The following NID2 variants were observed in gnomAD, a reference collection of about 807,000 sequenced individuals.
The protein encoded by NID2 is nidogen 2.
A neutral mutation model predicts 145.4 loss-of-function variants in NID2; 83 were observed. The observed-to-expected ratio is 0.57, with a 90% CI of 0.48 to 0.69. The LOEUF is 0.69. Ranked by LOEUF, NID2 falls within the 30% of genes least tolerant of loss-of-function variation. The pLI, the probability that NID2 is intolerant of heterozygous loss-of-function variation, is 0.00. For missense variants in NID2, 1,807 were observed against 1,765.7 expected, an observed-to-expected ratio of 1.02 and a Z score of -0.42; for synonymous variants, 739 against 701.3, an observed-to-expected ratio of 1.05 and a Z score of -0.85.
In NID2 at chr14:52,005,698, C is replaced by T. The variant is rs372468937; in HGVS notation, c.4117+39G>A. The T allele has an allele frequency of 2.3e-5, 35 of 1,519,416 alleles. No individual in the cohort carries two copies. In the East Asian group the frequency reaches 2.7e-4, roughly 12 times the overall value. 94.1% of individuals were successfully genotyped at this position (1,519,416 alleles called of 1,614,324 possible). A position where few individuals can be genotyped will look rare whatever the true frequency, so the allele number is the denominator to read the frequency against. ...ATACCATATATATCCCTTCTCTACC[C>T]TGCTAATTTAAAGGAGCATCCTAAA... On this transcript the variant is annotated intron_variant, in intron 21 of 21. Transcript: ENST00000216286.
Position 52,011,619 on chromosome 14 carries a change from G to A in NID2, c.3485C>T (p.Ala1162Val). 6.2e-7 allele frequency: 1 copy of A among 1,614,200 alleles called. No homozygotes were observed. Among genetic ancestry groups the A allele is most frequent in the Non-Finnish European group, 8.5e-7 (1 of 1,180,034 alleles). ...RERMVYWTDV[A>V]GRTISRAGLE... ...ACCAGCACGGCTGATTGTCCGTCCA[G>A]CAACATCTGTCCAGTACACCATCCT... Residue 1162 changes from alanine to valine, a missense_variant, in exon 17 of 22, where the codon GCT becomes GTT. Ala to Val is a moderately conservative substitution (Grantham distance 64). Transcript: ENST00000216286.
chr14:52,063,732 T>C (rs949080796), intron 2 of NID2, among the ~76,000 whole-genome samples: 4 of 152,206 alleles, frequency 2.6e-5, no homozygotes, highest in African/African-American at 7.2e-5. Context: ...TCTAGGATCA[T>C]TGGGTCTGGC....
chr14:52,052,964 T>A (rs1892724559), intron 5 of NID2, among the ~76,000 whole-genome samples: 1 of 152,204 alleles, frequency 6.6e-6, no homozygotes, highest in Non-Finnish European at 1.5e-5. Context: ...CTCAGTCCGA[T>A]CAGTGGGTCA....
chr14:52,015,018 T>TA, intron 15 of NID2, 36 bp downstream of exon 15: 1 of 1,555,814 alleles, frequency 6.4e-7, no homozygotes, highest in South Asian at 1.2e-5. Context: ...AGGCCTTAGA[T>TA]ACAGCTGAGG....
In NID2 at chr14:52,038,965, G is replaced by T; in HGVS notation, c.2039C>A (p.Thr680Lys). Residue 680 changes from threonine to lysine, a missense_variant, in exon 9 of 22, where the codon ACA becomes AAA. Physicochemically the swap from Thr to Lys is moderately conservative, Grantham distance 78. Coordinates refer to ENST00000216286, the MANE Select transcript of NID2 (RefSeq NM_007361.4). Reference sequence around the variant, plus strand: ...AGTCAGAGAGTAGTCTCTGGAACTTGTAGAGGTCACAGCTGCAACAAACAC... The same window carrying T: ...AGTCAGAGAGTAGTCTCTGGAACTTTTAGAGGTCACAGCTGCAACAAACAC... ...YHYSDSTVTS[T>K]SSRDYSLTFG... 1.2e-6 allele frequency: 2 copies of T among 1,611,972 alleles called. No homozygotes were observed. The highest frequency in any genetic ancestry group is 1.7e-6 in the Non-Finnish European group (2 of 1,178,976).
intron 5 of NID2, among the ~76,000 whole-genome samples, chr14:52,047,916 G>C (rs769663875): frequency 1.8e-4 from 28 of 152,258 alleles, no homozygotes; most frequent in Non-Finnish European, 2.9e-4. Flanking sequence ...AGGATCACCT[G>C]AGATTTCTGT....
chr14:52,047,549 G>A (rs1441195679), intron 5 of NID2, among the ~76,000 whole-genome samples: 2 of 152,100 alleles, frequency 1.3e-5, no homozygotes, highest in African/African-American at 4.8e-5. Context: ...AACATGCTCC[G>A]ACTACAGTAA....
intron 8 of NID2, 108 bp from the exon 9 acceptor site, chr14:52,039,085 T>C (rs1892183436): frequency 3.7e-6 from 3 of 810,224 alleles, no homozygotes; most frequent in Non-Finnish European, 5.7e-6. Context: ...GTGTGTTCCC[T>C]TGGGAACCTC....
chr14:52,065,871 A>C (rs1303369782), intron 2 of NID2, among the ~76,000 whole-genome samples: 1 of 142,810 alleles, frequency 7.0e-6, no homozygotes, highest in East Asian at 2.0e-4. Flanking sequence ...TCCATGGTGT[A>C]TATGTGCCAC....
chr14:52,005,963 C>G, intron 20 of NID2, 114 bp from the exon 21 acceptor site: 2 of 727,016 alleles, frequency 2.8e-6, no homozygotes, highest in Non-Finnish European at 4.8e-6. Context: ...CCTTCTCTGT[C>G]CCAGGGCTGG....
chr14:52,045,356 G>A (rs900209622), intron 5 of NID2, among the ~76,000 whole-genome samples: 1 of 152,216 alleles, frequency 6.6e-6, no homozygotes, highest in Non-Finnish European at 1.5e-5. Flanking sequence ...AGGACAGACA[G>A]TGTAGGTTCA....
rs1461665389 is a variant in NID2 at position 52,038,938 on chromosome 14, A to G, written c.2066T>C (p.Phe689Ser). 1.2e-6 allele frequency: 2 copies of G among 1,613,924 alleles called. No individual in the cohort carries two copies. The highest frequency in any genetic ancestry group is 1.7e-6 in the Non-Finnish European group (2 of 1,179,986). ...GGACCATGTTTGGTTGATTGCACCAAAAGTCAGAGAGTAGTCTCTGGAACT... is the reference window on the plus strand; with the variant it reads ...GGACCATGTTTGGTTGATTGCACCAGAAGTCAGAGAGTAGTCTCTGGAACT... ...STSSRDYSLT[F>S]GAINQTWSYR... Residue 689 changes from phenylalanine to serine, a missense_variant, in exon 9 of 22, where the codon TTT becomes TCT. Transcript: ENST00000216286.
intron 18 of NID2, 55 bp downstream of exon 18, chr14:52,010,821 A>G (rs995854437): frequency 5.8e-6 from 9 of 1,555,626 alleles, no homozygotes; most frequent in Non-Finnish European, 7.9e-6. Flanking sequence ...TTAAAACCCA[A>G]GGGCTTCACA....
intron 12 of NID2, 110 bp from the exon 13 acceptor site, chr14:52,020,288 T>A: frequency 6.6e-7 from 1 of 1,523,976 alleles, no homozygotes; most frequent in Non-Finnish European, 8.8e-7. Flanking sequence ...CAGTGAGGTG[T>A]CAGCTTCAGA....
At chr14:52,044,797 G>T (rs905500732) in intron 5 of NID2, among the ~76,000 whole-genome samples, 1 of 151,732 alleles carries the variant, frequency 6.6e-6, no homozygotes, top group Non-Finnish European at 1.5e-5. Flanking sequence ...GGTAGGGTGG[G>T]TTGGGGGGAG....
In NID2 at chr14:52,054,312, G is replaced by C. The variant is rs766219723; in HGVS notation, c.777C>G (p.Asn259Lys). The C allele has an allele frequency of 1.4e-5, 22 of 1,611,558 alleles. No individual in the cohort carries two copies. Among genetic ancestry groups the C allele is most frequent in the Non-Finnish European group, 1.3e-5 (15 of 1,178,260 alleles). Residue 259 changes from asparagine (N) to lysine (K), a missense_variant, in exon 4 of 22, where the codon AAC becomes AAG. Coordinates refer to ENST00000216286, the MANE Select transcript of NID2 (RefSeq NM_007361.4). ...QSVKNLYQLS[N>K]LGIPGVWAFH... ...AAGCCCACACTCCAGGGATCCCCAG[G>C]TTGCTTAGTCTAAATAAAAAGGAAA...
chr14:52,036,585 G>T (rs1373335291), intron 9 of NID2, among the ~76,000 whole-genome samples: 2 of 152,122 alleles, frequency 1.3e-5, no homozygotes, highest in African/African-American at 4.8e-5. Context: ...CCACTATTTT[G>T]TTTTTCACAG....
At chr14:52,015,299 G>A (rs1298901963) in intron 14 of NID2, 24 bp from the exon 15 acceptor site, 2 of 1,586,080 alleles carry the variant, frequency 1.3e-6, no homozygotes, top group Non-Finnish European at 1.7e-6. Flanking sequence ...GAAGAGGGAA[G>A]AAGAAAAACC....
In NID2 at chr14:52,019,332, A is replaced by G. The variant is rs148838155; in HGVS notation, c.2795-38T>C. The G allele has an allele frequency of 6.9e-5, 104 of 1,503,220 alleles. 1 individual carries two copies. The East Asian group carries it at 2.4e-3, about 34-fold the overall frequency. The allele number at this position is 1,503,220 out of a possible 1,614,324, so 93.1% of individuals were successfully genotyped here. On this transcript the variant is annotated intron_variant, in intron 13 of 21. Coordinates refer to ENST00000216286, the MANE Select transcript of NID2 (RefSeq NM_007361.4). Reference sequence around the variant, plus strand: ...AGGCAGAGGAAGACACAAAAGAGAAATAGAAGGCATTGCAACCCATCCACT... The same window carrying G: ...AGGCAGAGGAAGACACAAAAGAGAAGTAGAAGGCATTGCAACCCATCCACT...
Sources: gnomAD v4.1 joint callset for allele counts (sites outside exome capture counted in the v4.1 genomes callset) on GRCh38, gnomAD v4.1.1 for gene constraint, MANE v1.5 for transcripts, NCBI Gene and HGNC (gene_info 2026-07-23, HGNC 2026-07-21) for gene names.